Variants in LRP11 observed in about 807,000 individuals in gnomAD.
The protein encoded by LRP11 is LDL receptor related protein 11.
LRP11 carries 25 observed loss-of-function variants against 43.1 expected under a neutral mutation model. The observed-to-expected ratio is 0.58, with a 90% CI of 0.42 to 0.81. The LOEUF (loss-of-function observed/expected upper bound fraction) is 0.81, where lower values mean the gene tolerates loss of function less well. Among genes scored for constraint, LRP11 ranks in the 30% least tolerant of loss-of-function variants. LRP11 has a pLI of 0.00. For missense variants in LRP11, 623 were observed against 665.1 expected (o/e 0.94, Z 0.70); for synonymous variants, 316 against 299.4 (o/e 1.06, Z -0.57).
At chr6:149,836,570 T>C (rs1313471534) in intron 4 of LRP11, among the ~76,000 whole-genome samples, 1 of 152,036 alleles carries the variant, frequency 6.6e-6, no homozygotes, top group Non-Finnish European at 1.5e-5. Context: ...CCTAGCACCT[T>C]GGGAGGCAGA....
In LRP11 at chr6:149,827,795, G is replaced by A. The variant is rs1308162260; in HGVS notation, c.1253-1436C>T. Among the ~76,000 whole-genome samples the A allele has an allele frequency of 2.0e-5, 3 of 152,224 alleles. No individual in the cohort carries two copies. The highest frequency in any genetic ancestry group is 4.4e-5 in the Non-Finnish European group (3 of 68,042). On this transcript the variant is annotated intron_variant, in intron 5 of 6. Coordinates refer to ENST00000239367, the MANE Select transcript of LRP11 (RefSeq NM_032832.6). This position sits in a 1 kb window ranked among gnomAD's most constrained non-coding sequence, Gnocchi z 4.2. Reference sequence around the variant, plus strand: ...CCAGGCCAGGTAGTTCTATAAGATTGTATTACATAAGGGCCGCACGCAGTG... The same window carrying A: ...CCAGGCCAGGTAGTTCTATAAGATTATATTACATAAGGGCCGCACGCAGTG...
At chr6:149,823,902 T>A (rs1776306735) in intron 6 of LRP11, among the ~76,000 whole-genome samples, 1 of 152,146 alleles carries the variant, frequency 6.6e-6, no homozygotes, top group Non-Finnish European at 1.5e-5. Flanking sequence ...TCTGGAGGTG[T>A]CAAGATGGCT....
chr6:149,842,726 A>G (rs911173880), intron 3 of LRP11: 2 of 1,530,544 alleles, frequency 1.3e-6, no homozygotes, highest in African/African-American at 2.8e-5. Flanking sequence ...TCTTTGATGA[A>G]GTCGAGTCAA....
chr6:149,837,610 G>A, intron 3 of LRP11, 147 bp from the exon 4 acceptor site: 1 of 802,634 alleles, frequency 1.2e-6, no homozygotes, highest in Non-Finnish European at 1.9e-6. Context: ...TCCAGCAACA[G>A]GTTCTGGAGA....
intron 1 of LRP11, among the ~76,000 whole-genome samples, chr6:149,862,423 C>A (rs780859418): frequency 6.6e-6 from 1 of 152,190 alleles, no homozygotes; most frequent in Non-Finnish European, 1.5e-5. Context: ...CTCTTATTCC[C>A]TCCGTGACAT....
rs1410777329 is a variant in LRP11, at chr6:149,818,803, T to C, written c.*1746A>G. The C allele has an allele frequency of 2.6e-5, 4 of 152,268 alleles. No individual in the cohort carries two copies. Among genetic ancestry groups the C allele is most frequent in the Non-Finnish European group, 5.9e-5 (4 of 68,022 alleles). The allele number at this position is 152,268 out of a possible 1,614,324, so 9.4% of individuals were successfully genotyped here. A position where few individuals can be genotyped will look rare whatever the true frequency, so the allele number is the denominator to read the frequency against. ...TTAAAAGGAAAAAAAGGCTTAATAA[T>C]AAAATACAATTTATTAAAGGAATCA... is the stretch of plus-strand genomic sequence containing the variant. On this transcript the variant is annotated 3_prime_UTR_variant, in exon 7 of 7. Transcript: ENST00000239367.
intron 1 of LRP11, among the ~76,000 whole-genome samples, chr6:149,862,577 C>CTTTTTTTTTT (rs10553273): frequency 2.4e-5 from 3 of 126,204 alleles, no homozygotes; most frequent in African/African-American, 9.1e-5. Context: ...TTTTCTTTTC[C>CTTTTTTTTTT]TTTTTTTTTT....
At chr6:149,839,051 G>T (rs1033272846) in intron 3 of LRP11, among the ~76,000 whole-genome samples, 52 of 145,462 alleles carry the variant, frequency 3.6e-4, no homozygotes, top group Middle Eastern at 3.5e-3. Flanking sequence ...CATACACTTG[G>T]TTTTTTTTTG....
chr6:149,843,689 C>G (rs981270612), intron 2 of LRP11, among the ~76,000 whole-genome samples: 14 of 152,268 alleles, frequency 9.2e-5, no homozygotes, highest in African/African-American at 3.1e-4. Flanking sequence ...TTCTCTCATC[C>G]TAAGAAACAA....
In LRP11 at chr6:149,820,486, C is replaced by T; in HGVS notation, c.*63G>A. ...CAAAAGAAGCTGTAAATATCCAGAACTTAATAGATGTATAAATTATAAACA... is the reference window on the plus strand; with the variant it reads ...CAAAAGAAGCTGTAAATATCCAGAATTTAATAGATGTATAAATTATAAACA... On this transcript the variant is annotated 3_prime_UTR_variant, in exon 7 of 7. Coordinates refer to ENST00000239367, the MANE Select transcript of LRP11 (RefSeq NM_032832.6). 1.4e-6 allele frequency: 1 copy of T among 697,654 alleles called. No homozygotes were observed. The allele number at this position is 697,654 out of a possible 1,614,324, so 43.2% of individuals were successfully genotyped here. A position where few individuals can be genotyped will look rare whatever the true frequency, so the allele number is the denominator to read the frequency against.
intron 6 of LRP11, among the ~76,000 whole-genome samples, chr6:149,825,752 C>A (rs1331662440): frequency 1.3e-5 from 2 of 151,854 alleles, no homozygotes; most frequent in African/African-American, 4.8e-5. Context: ...ACCTCCCAGG[C>A]TCAAGTGATC....
At chr6:149,846,482 G>A (rs1380494864) in intron 2 of LRP11, among the ~76,000 whole-genome samples, 1 of 152,234 alleles carries the variant, frequency 6.6e-6, no homozygotes, top group Non-Finnish European at 1.5e-5. Context: ...CTGCCAGGGA[G>A]CAGCAGGTGC....
chr6:149,831,267 G>A (rs1776405037), intron 5 of LRP11, among the ~76,000 whole-genome samples: 1 of 152,202 alleles, frequency 6.6e-6, no homozygotes, highest in Admixed American at 6.5e-5. Context: ...GCATGATCCG[G>A]AAGAAATACT....
At chr6:149,828,520 C>T (rs1776370271) in intron 5 of LRP11, among the ~76,000 whole-genome samples, 1 of 151,116 alleles carries the variant, frequency 6.6e-6, no homozygotes, top group Non-Finnish European at 1.5e-5. Context: ...ACAGGGTCTC[C>T]CTTTGTTGCC....
At chr6:149,861,866 T>G (rs1393867592) in intron 1 of LRP11, among the ~76,000 whole-genome samples, 1 of 152,212 alleles carries the variant, frequency 6.6e-6, no homozygotes, top group Non-Finnish European at 1.5e-5. Context: ...GGCATATTCT[T>G]TCCTTGTTTA....
chr6:149,833,188 C>T (rs752574867), intron 5 of LRP11, among the ~76,000 whole-genome samples: 4 of 152,162 alleles, frequency 2.6e-5, no homozygotes, highest in Non-Finnish European at 4.4e-5. Context: ...CCGCCCACCT[C>T]GGCCTCCCAA....
chr6:149,843,468 T>C (rs1222447692), intron 2 of LRP11, among the ~76,000 whole-genome samples: 1 of 152,044 alleles, frequency 6.6e-6, no homozygotes, highest in African/African-American at 2.4e-5. Flanking sequence ...ATCAGGACCA[T>C]GACTAGGGCT....
chr6:149,855,778 G>A (rs961448542), intron 1 of LRP11, among the ~76,000 whole-genome samples: 1 of 151,226 alleles, frequency 6.6e-6, no homozygotes, highest in African/African-American at 2.4e-5. Context: ...TAACTATGGA[G>A]AAGACGTGTC....
chr6:149,845,047 C>T lies in LRP11; in HGVS notation c.772-1923G>A, dbSNP rs554383107. Among the ~76,000 whole-genome samples, 3 of 152,282 alleles carry T rather than the reference C, an allele frequency of 2.0e-5. No individual in the cohort carries two copies. In the East Asian group the frequency reaches 5.8e-4, roughly 29 times the overall value. ...AAACACTGGTGCGTGGTTAAGAGCA[C>T]AGAACCCGGTGTCCAATAGACATGG... On this transcript the variant is annotated intron_variant, in intron 2 of 6. Transcript: ENST00000239367.
Sources: gnomAD v4.1 joint callset for allele counts (sites outside exome capture counted in the v4.1 genomes callset) on GRCh38, gnomAD v4.1.1 for gene constraint, Gnocchi (gnomAD v3.1) non-coding constraint, MANE v1.5 for transcripts, NCBI Gene and HGNC (gene_info 2026-07-23, HGNC 2026-07-21) for gene names.